ABI2: variants seen among roughly 807,000 people sequenced by gnomAD.
ABI2 encodes the protein abelson interactor 2.
A neutral mutation model predicts 59.2 loss-of-function variants in ABI2; 25 were observed. That is an observed-to-expected ratio of 0.42 (90% CI 0.31 to 0.59). The LOEUF is 0.59. Ranked by LOEUF, ABI2 falls within the 20% of genes least tolerant of loss-of-function variation. The probability of loss-of-function intolerance (pLI) is 0.14; values close to 1 mark genes in which losing one functional copy is unlikely to be tolerated. For synonymous variants in ABI2, 213 were observed against 235.5 expected (o/e 0.90, Z 0.87); for missense variants, 545 against 681.8 (o/e 0.80, Z 2.23).
intron 11 of ABI2, among the ~76,000 whole-genome samples, chr2:203,422,614 G>A (rs2098265367): frequency 6.6e-6 from 1 of 152,176 alleles, no homozygotes; most frequent in Non-Finnish European, 1.5e-5. Context: ...ATGTCAAGAA[G>A]CAGGCAGAGG....
intron 3 of ABI2, among the ~76,000 whole-genome samples, chr2:203,380,667 TTTTAA>T (rs1264942066): frequency 7.2e-5 from 11 of 152,338 alleles, no homozygotes; most frequent in Non-Finnish European, 1.2e-4. Flanking sequence ...ATCTTTCCAA[TTTTAA>T]TTTAATATGA....
intron 1 of ABI2, among the ~76,000 whole-genome samples, chr2:203,357,901 T>A (rs1446243140): frequency 2.6e-5 from 4 of 151,994 alleles, no homozygotes; most frequent in African/African-American, 9.7e-5. Flanking sequence ...CCCAAGTAGC[T>A]GGGACTACAG....
chr2:203,422,318 TA>T (rs2153584414), intron 11 of ABI2, among the ~76,000 whole-genome samples: 1 of 152,250 alleles, frequency 6.6e-6, no homozygotes, highest in Non-Finnish European at 1.5e-5. Flanking sequence ...CGAGAGTCCC[TA>T]TAAACTGTCT....
At position 203,350,895 on chromosome 2, in the gene ABI2, C is replaced by T. The variant is rs200585534; in HGVS notation, c.118-15982C>T. Among the ~76,000 whole-genome samples, 225 of 147,324 alleles carry T rather than the reference C, an allele frequency of 1.5e-3. 5 individuals are homozygous for T. The East Asian group carries it at 0.038, about 25-fold the overall frequency. On this transcript the variant is annotated intron_variant, in intron 1 of 11. Coordinates refer to ENST00000261018, the MANE Select transcript of ABI2 (RefSeq NM_001375670.1). ...GTGTGTGTGTGTGTGTGTGTGTGCG[C>T]GCGCGCATACTTTTAGGTGTTATAT...
chr2:203,330,425 A>T (rs2072442398), intron 1 of ABI2, among the ~76,000 whole-genome samples: 2 of 151,890 alleles, frequency 1.3e-5, no homozygotes, highest in Admixed American at 6.6e-5. Flanking sequence ...TCACTTGCTC[A>T]ATTTTTCGCT....
chr2:203,370,238 A>ATG (rs1320177919), intron 2 of ABI2, among the ~76,000 whole-genome samples: 1 of 110,466 alleles, frequency 9.1e-6, no homozygotes, highest in African/African-American at 3.5e-5. Flanking sequence ...TTCTGTGTGT[A>ATG]TGTGTGTGTG....
chr2:203,417,093 A>G lies in ABI2; in HGVS notation c.1453+12A>G. 1 of 1,604,874 alleles carries G rather than the reference A, an allele frequency of 6.2e-7. No homozygotes were observed. The highest frequency in any genetic ancestry group is 8.5e-7 in the Non-Finnish European group (1 of 1,175,614). On this transcript the variant is annotated intron_variant, in intron 11 of 11. Coordinates refer to ENST00000261018, the MANE Select transcript of ABI2 (RefSeq NM_001375670.1). ...TTACTTGGAAAAGGGTAAGTTTCAG[A>G]AGGATATCTGGATAGATGGGAAGAA...
At chr2:203,328,752 G>A in intron 1 of ABI2, 121 bp downstream of exon 1, 1 of 526,868 alleles carries the variant, frequency 1.9e-6, no homozygotes, top group South Asian at 3.3e-5. Context: ...ATGGGGGTGG[G>A]GAGCTGGGTG....
chr2:203,363,567 T>C (rs987025257), intron 1 of ABI2, among the ~76,000 whole-genome samples: 1 of 151,664 alleles, frequency 6.6e-6, no homozygotes, highest in African/African-American at 2.4e-5. Flanking sequence ...ACCATCCTTC[T>C]ACTCTCTATT....
intron 11 of ABI2, 48 bp from the exon 12 acceptor site, chr2:203,427,129 A>G: frequency 1.3e-6 from 2 of 1,544,940 alleles, no homozygotes; most frequent in South Asian, 1.2e-5. Flanking sequence ...CTGTCTTTCT[A>G]GGAATATTAC....
chr2:203,343,638 T>TG (rs1374912614), intron 1 of ABI2, among the ~76,000 whole-genome samples: 1 of 152,134 alleles, frequency 6.6e-6, no homozygotes, highest in African/African-American at 2.4e-5. Context: ...ACTTCAGAGT[T>TG]ATTAATGAGG....
In ABI2 at chr2:203,356,962, T is replaced by C. The variant is rs560920663; in HGVS notation, c.118-9915T>C. On this transcript the variant is annotated intron_variant, in intron 1 of 11. Coordinates refer to ENST00000261018, the MANE Select transcript of ABI2 (RefSeq NM_001375670.1). ...GTGGGGGAGGGAATGACCGAAAGCA[T>C]TGGGAATGTTAAAGGCAAATGAGTA... Among the ~76,000 whole-genome samples the C allele has an allele frequency of 5.3e-5, 8 of 152,228 alleles. No homozygotes were observed. The East Asian group carries it at 1.5e-3, about 29-fold the overall frequency.
intron 1 of ABI2, among the ~76,000 whole-genome samples, chr2:203,349,855 T>C (rs991654266): frequency 6.6e-6 from 1 of 152,170 alleles, no homozygotes; most frequent in African/African-American, 2.4e-5. Flanking sequence ...ACGTTATAAA[T>C]ATTCATGTAC....
At chr2:203,392,483 TC>T (rs1394142856) in intron 5 of ABI2, among the ~76,000 whole-genome samples, 1 of 151,972 alleles carries the variant, frequency 6.6e-6, no homozygotes, top group African/African-American at 2.4e-5. Flanking sequence ...AAAAATAAAT[TC>T]CAACCAGGAA....
intron 1 of ABI2, among the ~76,000 whole-genome samples, chr2:203,339,558 G>A (rs1421309166): frequency 1.4e-5 from 2 of 143,494 alleles, no homozygotes; most frequent in Non-Finnish European, 3.0e-5. Flanking sequence ...TCCAGCCTGG[G>A]CAACAGAGCA....
intron 9 of ABI2, among the ~76,000 whole-genome samples, chr2:203,408,833 C>CTTTCTTTTTTTTTTTTTT (rs1259310860): frequency 9.2e-5 from 8 of 87,214 alleles, no homozygotes; most frequent in African/African-American, 1.9e-4. Context: ...CTTCTCCTTT[C>CTTTCTTTTTTTTTTTTTT]TTTTTTTTTT....
Position 203,427,475 on chromosome 2 carries a change from T to C in ABI2, c.*123T>C, listed in dbSNP as rs1392630667. ...ATACAAATGATAAAAATTACACTTT[T>C]TTTTTTGGTTTATTCCCCAGTATTA... On this transcript the variant is annotated 3_prime_UTR_variant, in exon 12 of 12. Transcript: ENST00000261018. 1.1e-6 allele frequency: 1 copy of C among 931,988 alleles called. No homozygotes were observed. Among genetic ancestry groups the C allele is most frequent in the Non-Finnish European group, 1.5e-6 (1 of 648,454 alleles). The allele number at this position is 931,988 out of a possible 1,614,324, so 57.7% of individuals were successfully genotyped here.
chr2:203,338,575 C>G (rs536387285), intron 1 of ABI2, among the ~76,000 whole-genome samples: 113 of 152,206 alleles, frequency 7.4e-4, no homozygotes, highest in Middle Eastern at 3.4e-3. Flanking sequence ...CGTGCCAGCA[C>G]TGTGCTTTGT....
intron 10 of ABI2, among the ~76,000 whole-genome samples, chr2:203,412,800 A>G (rs1024358030): frequency 2.0e-5 from 3 of 152,214 alleles, no homozygotes; most frequent in African/African-American, 7.2e-5. Flanking sequence ...TGTGGGATAC[A>G]GGGTCACTGT....
Sources: allele counts gnomAD v4.1 joint callset (sites outside exome capture counted in the v4.1 genomes callset), GRCh38; gene constraint gnomAD v4.1.1; transcripts MANE v1.5; gene names NCBI Gene and HGNC (gene_info 2026-07-23, HGNC 2026-07-21).